NOS1AP: variants seen among roughly 807,000 people sequenced by gnomAD.
The protein encoded by NOS1AP is nitric oxide synthase 1 adaptor protein, also known as carboxyl-terminal PDZ ligand of neuronal nitric oxide synthase protein.
In NOS1AP, 21 loss-of-function variants were observed where a neutral mutation model predicts 56.2. The ratio of observed to expected loss-of-function variants is 0.37; its 90% CI spans 0.26 to 0.54. The LOEUF is 0.54. Among genes scored for constraint, NOS1AP ranks in the 20% least tolerant of loss-of-function variants. The pLI is 0.84. For missense variants in NOS1AP, 522 were observed against 657.8 expected (o/e 0.79, Z 2.26); for synonymous variants, 270 against 274.6 (o/e 0.98, Z 0.17).
chr1:162,238,385 C>T (rs1473192531), intron 2 of NOS1AP, among the ~76,000 whole-genome samples: 1 of 152,070 alleles, frequency 6.6e-6, no homozygotes, highest in African/African-American at 2.4e-5. Context: ...AGGGCTTCAT[C>T]AAAGAAGCAG....
intron 2 of NOS1AP, among the ~76,000 whole-genome samples, chr1:162,211,370 G>A (rs1423615645): frequency 6.6e-6 from 1 of 152,104 alleles, no homozygotes; most frequent in African/African-American, 2.4e-5. Flanking sequence ...GTATGAGAAG[G>A]ACATCTCTCT....
intron 4 of NOS1AP, among the ~76,000 whole-genome samples, chr1:162,331,988 C>G (rs967226411): frequency 6.6e-6 from 1 of 152,234 alleles, no homozygotes; most frequent in African/African-American, 2.4e-5. Flanking sequence ...CAGTCCTCTG[C>G]TTAAAAGCCG....
intron 2 of NOS1AP, among the ~76,000 whole-genome samples, chr1:162,182,242 C>T (rs1651287489): frequency 6.6e-6 from 1 of 152,146 alleles, no homozygotes; most frequent in African/African-American, 2.4e-5. Flanking sequence ...TACTTTCATA[C>T]ATAATGTCAT....
intron 2 of NOS1AP, among the ~76,000 whole-genome samples, chr1:162,255,191 C>T (rs1653985093): frequency 1.3e-5 from 2 of 152,090 alleles, no homozygotes; most frequent in Admixed American, 1.3e-4. Flanking sequence ...TCACAGATGA[C>T]CTTGAGGAAC....
chr1:162,300,378 G>A (rs540929452), intron 3 of NOS1AP, among the ~76,000 whole-genome samples: 5 of 152,206 alleles, frequency 3.3e-5, no homozygotes, highest in African/African-American at 9.6e-5. Flanking sequence ...ACTTCACCCC[G>A]AGTTCCCTAA....
intron 3 of NOS1AP, among the ~76,000 whole-genome samples, chr1:162,290,011 G>T (rs1655237914): frequency 6.6e-6 from 1 of 152,138 alleles, no homozygotes; most frequent in Admixed American, 6.5e-5. Context: ...GACACAGTGT[G>T]TGCTGAGGTA....
chr1:162,300,682 T>C lies in NOS1AP; in HGVS notation c.320T>C (p.Leu107Pro). Residue 107 changes from leucine to proline, a missense_variant, in exon 4 of 10, where the codon CTG becomes CCG. Physicochemically the swap from Leu to Pro is moderately conservative, Grantham distance 98 (BLOSUM62 -3). Transcript: ENST00000361897. ...TGGACGTGGGATGAGAGCAAGATGC[T>C]GGTGATGCAGGACCCCATCTACAGG... The part of the protein sequence containing the change: ...KEWTWDESKM[L>P]VMQDPIYRIF... 6.2e-7 allele frequency: 1 copy of C among 1,614,098 alleles called. No individual in the cohort carries two copies. Among genetic ancestry groups the C allele is most frequent in the Non-Finnish European group, 8.5e-7 (1 of 1,179,986 alleles).
chr1:162,275,903 A>G (rs986171355), intron 2 of NOS1AP, among the ~76,000 whole-genome samples: 2 of 152,136 alleles, frequency 1.3e-5, no homozygotes, highest in Non-Finnish European at 2.9e-5. Flanking sequence ...TTCAGAGGGA[A>G]CTCAAATGAG....
chr1:162,367,034 C>A lies in NOS1AP; in HGVS notation c.1106-18C>A. 1.2e-6 allele frequency: 2 copies of A among 1,613,788 alleles called. No individual in the cohort carries two copies. The highest frequency in any genetic ancestry group is 1.7e-6 in the Non-Finnish European group (2 of 1,179,982). On this transcript the variant is annotated intron_variant, in intron 9 of 9. Coordinates refer to ENST00000361897, the MANE Select transcript of NOS1AP (RefSeq NM_014697.3). This position sits in a 1 kb window ranked among gnomAD's most constrained non-coding sequence, Gnocchi z 6.5. ...TTGCCTAACGCTGCCCCTCTGCTAC[C>A]TCTTGTCTCCCCTGCAGTGGGCTCC...
chr1:162,260,546 T>C (rs1181730191), intron 2 of NOS1AP, among the ~76,000 whole-genome samples: 1 of 152,228 alleles, frequency 6.6e-6, no homozygotes, highest in Admixed American at 6.5e-5. Context: ...TAAATATAGA[T>C]GACATTTGAT....
chr1:162,159,432 A>G (rs1055391412), intron 2 of NOS1AP, among the ~76,000 whole-genome samples: 2 of 152,190 alleles, frequency 1.3e-5, no homozygotes, highest in African/African-American at 4.8e-5. Context: ...AGTGCTATTT[A>G]TATTCATTGG....
At chr1:162,086,731 A>G (rs536423722) in intron 1 of NOS1AP, among the ~76,000 whole-genome samples, 1 of 152,282 alleles carries the variant, frequency 6.6e-6, no homozygotes, top group East Asian at 1.9e-4. Flanking sequence ...TGTTGGTTAT[A>G]TTTCACAAAA....
intron 2 of NOS1AP, among the ~76,000 whole-genome samples, chr1:162,184,393 G>T (rs759415461): frequency 1.3e-5 from 2 of 152,220 alleles, no homozygotes; most frequent in African/African-American, 2.4e-5. Context: ...GTGAGCACAT[G>T]CTGTTAGAAG....
At chr1:162,207,259 A>G (rs556048451) in intron 2 of NOS1AP, among the ~76,000 whole-genome samples, 9 of 152,340 alleles carry the variant, frequency 5.9e-5, no homozygotes, top group African/African-American at 2.2e-4. Flanking sequence ...GAAGTTCTAG[A>G]CGTAGTGCCA....
At chr1:162,224,810 GC>G (rs1185802264) in intron 2 of NOS1AP, among the ~76,000 whole-genome samples, 2 of 152,088 alleles carry the variant, frequency 1.3e-5, no homozygotes, top group East Asian at 3.9e-4. Context: ...GTTGATTTTG[GC>G]TAAGACTGAT....
chr1:162,283,392 A>G (rs1268903083), intron 2 of NOS1AP, among the ~76,000 whole-genome samples: 2 of 152,140 alleles, frequency 1.3e-5, no homozygotes, highest in African/African-American at 4.8e-5. Flanking sequence ...CTGCTGTTGC[A>G]GACTTCTGGC....
chr1:162,186,940 T>A (rs529356912), intron 2 of NOS1AP, among the ~76,000 whole-genome samples: 1 of 152,250 alleles, frequency 6.6e-6, no homozygotes, highest in African/African-American at 2.4e-5. Context: ...GTTTTTTTGT[T>A]GTTGGTTTTG....
At chr1:162,217,123 A>G (rs1369226875) in intron 2 of NOS1AP, among the ~76,000 whole-genome samples, 1 of 151,916 alleles carries the variant, frequency 6.6e-6, no homozygotes, top group Non-Finnish European at 1.5e-5. Flanking sequence ...AGGTACTTCT[A>G]TGTTTCCACT....
At chr1:162,124,335 C>T (rs377274814) in intron 1 of NOS1AP, among the ~76,000 whole-genome samples, 1 of 152,064 alleles carries the variant, frequency 6.6e-6, no homozygotes, top group African/African-American at 2.4e-5. Flanking sequence ...AATGCCTTTG[C>T]GTACCCAGGG....
Sources: allele counts gnomAD v4.1 joint callset (sites outside exome capture counted in the v4.1 genomes callset), GRCh38; gene constraint gnomAD v4.1.1; non-coding constraint Gnocchi (gnomAD v3.1); transcripts MANE v1.5; gene names NCBI Gene and HGNC (gene_info 2026-07-23, HGNC 2026-07-21).